Variants in DSCAM observed in about 807,000 individuals in gnomAD.
The protein encoded by DSCAM is DS cell adhesion molecule, also known as cell adhesion molecule DSCAM.
In DSCAM, 47 loss-of-function variants were observed where a neutral mutation model predicts 217.7. The ratio of observed to expected loss-of-function variants is 0.22; its 90% CI spans 0.17 to 0.28. The LOEUF (loss-of-function observed/expected upper bound fraction) is 0.28. Ranked by LOEUF, DSCAM falls within the 10% of genes least tolerant of loss-of-function variation. DSCAM has a pLI of 1.00. For missense variants in DSCAM, 2,080 were observed against 2,618.3 expected (o/e 0.79, Z 4.49); for synonymous variants, 1,056 against 1,015.3 (o/e 1.04, Z -0.76).
chr21:40,823,299 A>G, intron 1 of DSCAM, among the ~76,000 whole-genome samples: 1 of 152,098 alleles, frequency 6.6e-6, no homozygotes, highest in South Asian at 2.1e-4. Flanking sequence ...ACCATAAAAA[A>G]AAACCATTAA....
Position 40,549,382 on chromosome 21 carries a change from T to G in DSCAM, c.508+143428A>C, listed in dbSNP as rs1346369118. On this transcript the variant is annotated intron_variant, in intron 3 of 32. Transcript: ENST00000400454. ...AACTCCTGCTGATTCTTCAGTCATTTACTTCGAGATAAAAAAAAACAACAA... is the reference window on the plus strand; with the variant it reads ...AACTCCTGCTGATTCTTCAGTCATTGACTTCGAGATAAAAAAAAACAACAA... Among the ~76,000 whole-genome samples the G allele has an allele frequency of 7.2e-5, 11 of 152,276 alleles. No homozygotes were observed. In the East Asian group the frequency reaches 2.1e-3, roughly 29 times the overall value.
intron 32 of DSCAM, among the ~76,000 whole-genome samples, chr21:40,033,413 G>A (rs765703420): frequency 3.0e-4 from 45 of 152,258 alleles, no homozygotes; most frequent in South Asian, 8.3e-4. Context: ...AAGGGGTGAC[G>A]GACGGCACCT....
rs997127643 is a variant in DSCAM, at chr21:40,836,398, G to A, written c.43+10221C>T. 3.9e-5 allele frequency among the ~76,000 whole-genome samples: 6 copies of A among 152,306 alleles called. 1 individual carries two copies. The South Asian group carries it at 6.2e-4, about 16-fold the overall frequency. ...AGATATTAATACACACAGATGATTC[G>A]TAAGCTGCTAGCATCCACATTGGGA... On this transcript the variant is annotated intron_variant, in intron 1 of 32. Transcript: ENST00000400454.
At chr21:40,603,925 C>CTTT (rs3070814) in intron 3 of DSCAM, among the ~76,000 whole-genome samples, 39 of 97,200 alleles carry the variant, frequency 4.0e-4, no homozygotes, top group East Asian at 1.4e-3. Flanking sequence ...TTTTGCATTT[C>CTTT]TTTTTTTTTT....
chr21:40,281,043 A>G (rs1480154560), intron 10 of DSCAM, among the ~76,000 whole-genome samples: 1 of 152,180 alleles, frequency 6.6e-6, no homozygotes, highest in African/African-American at 2.4e-5. Flanking sequence ...CTTGGCTGCA[A>G]TGTTGGGAAG....
chr21:40,107,022 T>A (rs748504829), intron 20 of DSCAM, among the ~76,000 whole-genome samples: 4 of 152,262 alleles, frequency 2.6e-5, no homozygotes, highest in Admixed American at 6.5e-5. Context: ...GCTTTGGGAT[T>A]TGTTTGTTCT....
chr21:40,286,534 G>A (rs2073826174), intron 10 of DSCAM, among the ~76,000 whole-genome samples: 3 of 152,150 alleles, frequency 2.0e-5, no homozygotes, highest in Admixed American at 2.0e-4. Context: ...GCTCCCTATT[G>A]AGCTATTTTA....
chr21:40,011,395 G>A lies in DSCAM; in HGVS notation c.*1639C>T, dbSNP rs1257471881. 1 of 152,222 alleles carries A rather than the reference G, an allele frequency of 6.6e-6. No individual in the cohort carries two copies. Among genetic ancestry groups the A allele is most frequent in the East Asian group, 1.9e-4 (1 of 5,188 alleles). The allele number at this position is 152,222 out of a possible 1,614,324, so 9.4% of individuals were successfully genotyped here. A position where few individuals can be genotyped will look rare whatever the true frequency, so the allele number is the denominator to read the frequency against. ...GGGAAGGAAAGACATTTCTGAATATGTTCCCAAGATGGTAATAACTGGCAC... is the reference window on the plus strand; with the variant it reads ...GGGAAGGAAAGACATTTCTGAATATATTCCCAAGATGGTAATAACTGGCAC... On this transcript the variant is annotated 3_prime_UTR_variant, in exon 33 of 33. Coordinates refer to ENST00000400454, the MANE Select transcript of DSCAM (RefSeq NM_001389.5).
At chr21:40,536,530 T>A (rs893518325) in intron 3 of DSCAM, among the ~76,000 whole-genome samples, 2 of 151,770 alleles carry the variant, frequency 1.3e-5, no homozygotes, top group Admixed American at 1.3e-4. Context: ...GCCTCCCTAG[T>A]AGCTGGGACT....
chr21:40,387,007 A>G (rs925475939), intron 3 of DSCAM, among the ~76,000 whole-genome samples: 1 of 152,096 alleles, frequency 6.6e-6, no homozygotes, highest in African/African-American at 2.4e-5. Context: ...ATAGTCAGTG[A>G]ATCAGCAGTG....
chr21:40,751,653 G>A (rs939349188), intron 1 of DSCAM, among the ~76,000 whole-genome samples: 2 of 152,108 alleles, frequency 1.3e-5, no homozygotes, highest in African/African-American at 4.8e-5. Context: ...GAACATTGAG[G>A]ATTAGTTAAC....
intron 10 of DSCAM, among the ~76,000 whole-genome samples, chr21:40,286,621 G>A (rs1263367225): frequency 2.0e-5 from 3 of 149,960 alleles, no homozygotes; most frequent in Non-Finnish European, 4.4e-5. Context: ...TTGATAATTT[G>A]CTTCTTTCCA....
At chr21:40,817,956 C>G (rs950402949) in intron 1 of DSCAM, among the ~76,000 whole-genome samples, 1 of 150,436 alleles carries the variant, frequency 6.6e-6, no homozygotes, top group Non-Finnish European at 1.5e-5. Flanking sequence ...ATTAGCCGGG[C>G]GCGGTGGCGG....
chr21:40,028,590 C>T lies in DSCAM; in HGVS notation c.5686+13781G>A, dbSNP rs145404306. Among the ~76,000 whole-genome samples, 8 of 152,282 alleles carry T rather than the reference C, an allele frequency of 5.3e-5. No individual in the cohort carries two copies. In the South Asian group the frequency reaches 1.2e-3, roughly 24 times the overall value. ...AAGCCCGTCAGAAAAGCACAGTATT[C>T]GGGTGGGAGTGACCCGATTTTCCAG... On this transcript the variant is annotated intron_variant, in intron 32 of 32. Transcript: ENST00000400454.
intron 29 of DSCAM, among the ~76,000 whole-genome samples, chr21:40,055,360 G>C (rs889752669): frequency 6.6e-5 from 10 of 152,170 alleles, no homozygotes; most frequent in African/African-American, 2.4e-4. Flanking sequence ...TTTTCAACCT[G>C]GGGCTTTAGA....
rs115028016 is a variant in DSCAM at position 40,189,330 on chromosome 21, T to C, written c.2357-92A>G. 338 of 1,014,442 alleles carry C rather than the reference T, an allele frequency of 3.3e-4. 2 individuals are homozygous for C. The African/African-American group carries it at 5.1e-3, about 15-fold the overall frequency. The allele number at this position is 1,014,442 out of a possible 1,614,324, so 62.8% of individuals were successfully genotyped here. A position where few individuals can be genotyped will look rare whatever the true frequency, so the allele number is the denominator to read the frequency against. On this transcript the variant is annotated intron_variant, in intron 11 of 32. Coordinates refer to ENST00000400454, the MANE Select transcript of DSCAM (RefSeq NM_001389.5). ...CTCAGGTAAACCATGCTTCAAGAGA[T>C]ATTTCTTCAAAATGAAATTTATTCA... is the stretch of plus-strand genomic sequence containing the variant.
At chr21:40,399,714 C>T (rs1448166973) in intron 3 of DSCAM, among the ~76,000 whole-genome samples, 2 of 152,168 alleles carry the variant, frequency 1.3e-5, no homozygotes, top group Non-Finnish European at 2.9e-5. Flanking sequence ...GCTGCTTATT[C>T]ATTCATTCAT....
intron 9 of DSCAM, among the ~76,000 whole-genome samples, chr21:40,305,973 G>A (rs553463075): frequency 5.9e-5 from 9 of 152,122 alleles, no homozygotes; most frequent in East Asian, 3.9e-4. Context: ...TTCCAATTCT[G>A]TGAAGAAAGT....
At chr21:40,787,488 T>A (rs2091604312) in intron 1 of DSCAM, among the ~76,000 whole-genome samples, 1 of 152,168 alleles carries the variant, frequency 6.6e-6, no homozygotes. Flanking sequence ...AAGATGCACG[T>A]CCCTCATAAT....
Sources: allele counts gnomAD v4.1 joint callset (sites outside exome capture counted in the v4.1 genomes callset), GRCh38; gene constraint gnomAD v4.1.1; transcripts MANE v1.5; gene names NCBI Gene and HGNC (gene_info 2026-07-23, HGNC 2026-07-21).